The following MAST3 variants were observed in gnomAD, a reference collection of about 807,000 sequenced individuals.
MAST3 encodes the protein microtubule associated serine/threonine kinase 3.
In MAST3, 43 loss-of-function variants were observed where a neutral mutation model predicts 127.0. The observed-to-expected ratio is 0.34, with a 90% CI of 0.27 to 0.44. The LOEUF (loss-of-function observed/expected upper bound fraction) is 0.44. MAST3 is among the 20% of genes least tolerant of loss of function. MAST3 has a pLI of 1.00. For missense variants in MAST3, 1,390 were observed against 1,919.1 expected (o/e 0.72, Z 5.15); for synonymous variants, 785 against 809.2 (o/e 0.97, Z 0.51).
At position 18,124,665 on chromosome 19, in the gene MAST3, C is replaced by T; in HGVS notation, c.969C>T (p.Tyr323=). 6.2e-7 allele frequency: 1 copy of T among 1,601,824 alleles called. No homozygotes were observed. The highest frequency in any genetic ancestry group is 8.5e-7 in the Non-Finnish European group (1 of 1,175,138). ...AGGAGTTTGACCCTGAGGAATTTTA[C>T]CACCTGCTGGAGGCGGCTGAGGGCC... ...ECLEFDPEEF[Y]HLLEAAEGHA... is the part of the protein sequence containing the mutation. The change falls in exon 11 of 28, where the codon TAC becomes TAT. Residue 323 remains tyrosine, a synonymous_variant. Coordinates refer to ENST00000687212, the MANE Select transcript of MAST3 (RefSeq NM_001393504.1).
intron 3 of MAST3, among the ~76,000 whole-genome samples, chr19:18,116,450 G>A (rs1310686569): frequency 2.7e-5 from 4 of 150,786 alleles, no homozygotes; most frequent in Admixed American, 1.3e-4. Flanking sequence ...GTGCCACCAC[G>A]CCCAGCTAAT....
chr19:18,120,671 G>C lies in MAST3; in HGVS notation c.162-1014G>C, dbSNP rs532403771. Among the ~76,000 whole-genome samples the C allele has an allele frequency of 3.3e-5, 5 of 152,206 alleles. No individual in the cohort carries two copies. The South Asian group carries it at 8.3e-4, about 25-fold the overall frequency. ...CTGCCCCAGCCTCCTGAGTAGCTGG[G>C]ATTATAAGCATGCACTACCACACCT... is the stretch of plus-strand genomic sequence containing the variant. On this transcript the variant is annotated intron_variant, in intron 3 of 27. Coordinates refer to ENST00000687212, the MANE Select transcript of MAST3 (RefSeq NM_001393504.1).
At chr19:18,122,588 T>G (rs896078483) in intron 5 of MAST3, 85 bp from the exon 6 acceptor site, 54 of 1,163,006 alleles carry the variant, frequency 4.6e-5, no homozygotes, top group Non-Finnish European at 6.1e-5. Flanking sequence ...AGGGCCAGAA[T>G]ATGCTGGCCA....
Position 18,123,744 on chromosome 19 carries a change from C to T in MAST3, c.633+89C>T, listed in dbSNP as rs1221364249. ...GAACTCTGTCTTCCTGGCTATGTCC[C>T]CTTTGCCAGTCTGTTCATTTCTGTC... On this transcript the variant is annotated intron_variant, in intron 8 of 27. Transcript: ENST00000687212. 7 of 1,193,636 alleles carry T rather than the reference C, an allele frequency of 5.9e-6. No homozygotes were observed. In the South Asian group the frequency reaches 9.3e-5, roughly 16 times the overall value. The allele number at this position is 1,193,636 out of a possible 1,614,324, so 73.9% of individuals were successfully genotyped here. A position where few individuals can be genotyped will look rare whatever the true frequency, so the allele number is the denominator to read the frequency against.
intron 3 of MAST3, among the ~76,000 whole-genome samples, chr19:18,116,301 T>A (rs1303729496): frequency 1.3e-5 from 2 of 150,892 alleles, no homozygotes; most frequent in East Asian, 3.9e-4. Flanking sequence ...TATTTTTTTT[T>A]ATTTTTTTGA....
chr19:18,110,470 C>T lies in MAST3; in HGVS notation c.72-182C>T, dbSNP rs953630009. 1 of 964,100 alleles carries T rather than the reference C, an allele frequency of 1.0e-6. No individual in the cohort carries two copies. The highest frequency in any genetic ancestry group is 1.2e-6 in the Non-Finnish European group (1 of 810,290). 59.7% of individuals were successfully genotyped at this position (964,100 alleles called of 1,614,324 possible). ...CGTGTCGCCCAGAAACGCACCGCCG[C>T]CTCCGGGGAGCCCTCCCGGGCCATC... is the stretch of plus-strand genomic sequence containing the variant. On this transcript the variant is annotated intron_variant, in intron 2 of 27. Coordinates refer to ENST00000687212, the MANE Select transcript of MAST3 (RefSeq NM_001393504.1). This position sits in a 1 kb window ranked among gnomAD's most constrained non-coding sequence, Gnocchi z 4.3.
rs550245557 is a variant in MAST3 at position 18,114,107 on chromosome 19, C to T, written c.161+3366C>T. On this transcript the variant is annotated intron_variant, in intron 3 of 27. Transcript: ENST00000687212. ...GATAGGAAGCCTTCCCCAACCACCCCCTCCTTCCAGGCCCCACAAACATGG... is the reference window on the plus strand; with the variant it reads ...GATAGGAAGCCTTCCCCAACCACCCTCTCCTTCCAGGCCCCACAAACATGG... Among the ~76,000 whole-genome samples the T allele has an allele frequency of 3.3e-5, 5 of 152,186 alleles. No individual in the cohort carries two copies. In the South Asian group the frequency reaches 8.3e-4, roughly 25 times the overall value.
intron 12 of MAST3, 103 bp downstream of exon 12, chr19:18,128,561 T>C: frequency 8.3e-7 from 1 of 1,203,380 alleles, no homozygotes; most frequent in Non-Finnish European, 1.2e-6. Context: ...GCATGTAGCT[T>C]AATTAGCATC....
intron 2 of MAST3, among the ~76,000 whole-genome samples, chr19:18,107,889 G>C (rs1373660206): frequency 6.6e-6 from 1 of 152,182 alleles, no homozygotes; most frequent in East Asian, 1.9e-4. Context: ...AGAGAAACTT[G>C]TCTGGAATCC....
chr19:18,105,506 C>T lies in MAST3; in HGVS notation c.40-2081C>T, dbSNP rs532715847. ...CTGAGGTCAGGAGTTCAAGACTAGC[C>T]TGGGTAACATGGCAAAACCCTGTCT... On this transcript the variant is annotated intron_variant, in intron 1 of 27. Coordinates refer to ENST00000687212, the MANE Select transcript of MAST3 (RefSeq NM_001393504.1). 5.5e-4 allele frequency among the ~76,000 whole-genome samples: 82 copies of T among 149,156 alleles called. 1 individual carries two copies. The highest frequency in any genetic ancestry group is 3.4e-3 in the Middle Eastern group (1 of 292).
At position 18,149,899 on chromosome 19, in the gene MAST3, C is replaced by CA. The variant is rs59523925; in HGVS notation, c.*173_*174insA. 50 of 877,522 alleles carry CA rather than the reference C, an allele frequency of 5.7e-5. 2 individuals carry two copies. Among genetic ancestry groups the CA allele is most frequent in the African/African-American group, 3.7e-4 (21 of 57,132 alleles). 54.4% of individuals were successfully genotyped at this position (877,522 alleles called of 1,614,324 possible). The stretch of plus-strand genomic sequence containing the variant: ...ACATCGCTTGTGTTCTGGTGTCAAT[C>CA]GGGGCTGGATGGGGCAAGAATGGGG... On this transcript the variant is annotated 3_prime_UTR_variant, in exon 28 of 28. Coordinates refer to ENST00000687212, the MANE Select transcript of MAST3 (RefSeq NM_001393504.1). The surrounding 1 kb of genome is among the most constrained non-coding windows in gnomAD (Gnocchi z 5.9).
At chr19:18,138,765 C>G (rs967676121) in intron 19 of MAST3, among the ~76,000 whole-genome samples, 3 of 152,128 alleles carry the variant, frequency 2.0e-5, no homozygotes, top group African/African-American at 7.2e-5. Flanking sequence ...TCTCAAAGTG[C>G]TGGGATTACA....
At chr19:18,124,478 G>A (rs1208699547) in intron 10 of MAST3, 112 bp downstream of exon 10, 1 of 1,341,032 alleles carries the variant, frequency 7.5e-7, no homozygotes, top group Non-Finnish European at 1.0e-6. Flanking sequence ...GCTTTGAGAG[G>A]AACACAGGGT....
chr19:18,125,782 T>C (rs939498348), intron 11 of MAST3, among the ~76,000 whole-genome samples: 1 of 151,338 alleles, frequency 6.6e-6, no homozygotes, highest in Admixed American at 6.6e-5. Context: ...CCAGGTGCAG[T>C]GGCTCACGCC....
At position 18,109,755 on chromosome 19, in the gene MAST3, T is replaced by G. The variant is rs1178580362; in HGVS notation, c.72-897T>G. On this transcript the variant is annotated intron_variant, in intron 2 of 27. Transcript: ENST00000687212. Reference sequence around the variant, plus strand: ...AGCTGGAAGCCAGGGACTGGAGGTGTGGTCAGAGCCTCTAGTGTGCGCGGG... The same window carrying G: ...AGCTGGAAGCCAGGGACTGGAGGTGGGGTCAGAGCCTCTAGTGTGCGCGGG... Among the ~76,000 whole-genome samples the G allele has an allele frequency of 4.6e-5, 7 of 152,148 alleles. No homozygotes were observed. The East Asian group carries it at 1.4e-3, about 29-fold the overall frequency.
In MAST3 at chr19:18,099,292, G is replaced by A. The variant is rs1003445627; in HGVS notation, c.39+1461G>A. ...GCGCGGGGGTGGGGCAGAACTGGAG[G>A]CGCTGAGGCCAGAGGCAAGAGTGGG... is the stretch of plus-strand genomic sequence containing the variant. On this transcript the variant is annotated intron_variant, in intron 1 of 27. Coordinates refer to ENST00000687212, the MANE Select transcript of MAST3 (RefSeq NM_001393504.1). Among the ~76,000 whole-genome samples, 9 of 150,544 alleles carry A rather than the reference G, an allele frequency of 6.0e-5. No homozygotes were observed. In the East Asian group the frequency reaches 1.6e-3, roughly 27 times the overall value.
At position 18,144,955 on chromosome 19, in the gene MAST3, G is replaced by A. The variant is rs746415484; in HGVS notation, c.2813-48G>A. Reference sequence around the variant, plus strand: ...TTGTGGTGGGAAAGAGGGGGCCCCAGGGGAGACCTGTGAGGGAGTGAGTGA... The same window carrying A: ...TTGTGGTGGGAAAGAGGGGGCCCCAAGGGAGACCTGTGAGGGAGTGAGTGA... On this transcript the variant is annotated intron_variant, in intron 23 of 27. Coordinates refer to ENST00000687212, the MANE Select transcript of MAST3 (RefSeq NM_001393504.1). The surrounding 1 kb of genome is among the most constrained non-coding windows in gnomAD (Gnocchi z 4.0). 5 of 1,098,662 alleles carry A rather than the reference G, an allele frequency of 4.6e-6. No homozygotes were observed. The highest frequency in any genetic ancestry group is 6.8e-6 in the Non-Finnish European group (5 of 735,888). 68.1% of individuals were successfully genotyped at this position (1,098,662 alleles called of 1,614,324 possible).
intron 15 of MAST3, among the ~76,000 whole-genome samples, chr19:18,133,505 G>A (rs1020009950): frequency 3.3e-5 from 5 of 150,674 alleles, no homozygotes; most frequent in East Asian, 1.9e-4. Context: ...TCAGCTTCCC[G>A]AGTAGCTGGG....
At chr19:18,106,798 C>T (rs1466181711) in intron 1 of MAST3, among the ~76,000 whole-genome samples, 5 of 150,876 alleles carry the variant, frequency 3.3e-5, no homozygotes, top group African/African-American at 7.3e-5. Context: ...CTTGAACTCC[C>T]GACCTCAGGT....
Sources: gnomAD v4.1 joint callset for allele counts (sites outside exome capture counted in the v4.1 genomes callset) on GRCh38, gnomAD v4.1.1 for gene constraint, Gnocchi (gnomAD v3.1) non-coding constraint, MANE v1.5 for transcripts, NCBI Gene and HGNC (gene_info 2026-07-23, HGNC 2026-07-21) for gene names.